Variants in SPATA7 observed in about 807,000 individuals in gnomAD.
The protein encoded by SPATA7 is spermatogenesis-associated protein 7.
SPATA7 carries 43 observed loss-of-function variants against 51.8 expected under a neutral mutation model. That is an observed-to-expected ratio of 0.83 (90% CI 0.65 to 1.07). The LOEUF (loss-of-function observed/expected upper bound fraction) is 1.07, where lower values mean the gene tolerates loss of function less well. Ranked by LOEUF, SPATA7 falls within the 50% of genes least tolerant of loss-of-function variation. The probability of loss-of-function intolerance (pLI) is 0.00; values close to 1 mark genes in which losing one functional copy is unlikely to be tolerated. For missense variants in SPATA7, 683 were observed against 701.3 expected, an observed-to-expected ratio of 0.97 and a Z score of 0.30; for synonymous variants, 230 against 252.8, an observed-to-expected ratio of 0.91 and a Z score of 0.86.
chr14:88,459,375 C>CT (rs756869494), downstream of SPATA7, among the ~76,000 whole-genome samples: 2 of 152,156 alleles, frequency 1.3e-5, no homozygotes, highest in Non-Finnish European at 2.9e-5. Context: ...TTGTAAGTCT[C>CT]TAAGGACTTG....
At chr14:88,448,130 C>T (rs959706025) in intron 3 of SPATA7, among the ~76,000 whole-genome samples, 2 of 152,088 alleles carry the variant, frequency 1.3e-5, no homozygotes, top group Non-Finnish European at 2.9e-5. Flanking sequence ...ACCAATCAGA[C>T]GTAGATTTGG....
intron 7 of SPATA7, 118 bp downstream of exon 7, chr14:88,427,814 A>G: frequency 1.3e-6 from 1 of 779,680 alleles, no homozygotes; most frequent in Non-Finnish European, 2.2e-6. Context: ...CACTTATCAT[A>G]CATGATATAG....
At position 88,420,492 on chromosome 14, in the gene SPATA7, T is replaced by C. The variant is rs1409927749; in HGVS notation, c.372+3648T>C. Among the ~76,000 whole-genome samples, 3 of 152,304 alleles carry C rather than the reference T, an allele frequency of 2.0e-5. No homozygotes were observed. In the East Asian group the frequency reaches 5.8e-4, roughly 29 times the overall value. ...AGATCGTTCAGCTTTTTTCTTCTTG[T>C]AATGGTGAGAGCTGTGTTCTTTCCA... On this transcript the variant is annotated intron_variant, in intron 5 of 11. Transcript: ENST00000393545.
chr14:88,468,039 T>C, intron 4 of SPATA7: 1 of 1,447,850 alleles, frequency 6.9e-7, no homozygotes, highest in Non-Finnish European at 9.6e-7. Context: ...CCACGCTGCG[T>C]GGATCAAGTG....
chr14:88,447,807 T>C (rs1462182617), intron 3 of SPATA7, among the ~76,000 whole-genome samples: 1 of 152,208 alleles, frequency 6.6e-6, no homozygotes, highest in African/African-American at 2.4e-5. Context: ...ATGTCGAATA[T>C]TGGCCCCCAC....
chr14:88,437,890 C>T lies in SPATA7; in HGVS notation c.1268C>T (p.Ser423Leu), dbSNP rs777018521. ...HVLKVDLGCT[S>L]EENSVKQNDV... ...CTGAAAGTAGACTTAGGCTGCACAT[C>T]GGAGGAAAACTCGGTAAAGCAAAAT... The change falls in exon 12 of 12, where the codon TCG becomes TTG. Residue 423 changes from serine to leucine, a missense_variant. Coordinates refer to ENST00000393545, the MANE Select transcript of SPATA7 (RefSeq NM_018418.5). 1.2e-5 allele frequency: 20 copies of T among 1,610,056 alleles called. No individual in the cohort carries two copies. Among genetic ancestry groups the T allele is most frequent in the East Asian group, 6.7e-5 (3 of 44,818 alleles).
At chr14:88,403,125 ATCAC>A (rs920137808) in intron 4 of SPATA7, among the ~76,000 whole-genome samples, 3 of 152,228 alleles carry the variant, frequency 2.0e-5, no homozygotes, top group African/African-American at 7.2e-5. Flanking sequence ...TTAATGAGAT[ATCAC>A]TCACACCTGT....
chr14:88,435,318 G>A (rs1211872812), intron 10 of SPATA7, among the ~76,000 whole-genome samples: 1 of 152,078 alleles, frequency 6.6e-6, no homozygotes, highest in Non-Finnish European at 1.5e-5. Flanking sequence ...TACACAGTAG[G>A]TATGTATATT....
intron 4 of SPATA7, among the ~76,000 whole-genome samples, chr14:88,403,865 C>T (rs1280616764): frequency 6.6e-6 from 1 of 152,046 alleles, no homozygotes; most frequent in Non-Finnish European, 1.5e-5. Context: ...GTATAATATA[C>T]TTGAAATTTG....
intron 3 of SPATA7, among the ~76,000 whole-genome samples, chr14:88,444,775 GT>G (rs2077200143): frequency 2.0e-5 from 3 of 152,130 alleles, no homozygotes; most frequent in African/African-American, 7.2e-5. Flanking sequence ...CCTCAGGTTT[GT>G]CAAAGATCAG....
At chr14:88,458,877 C>G (rs963288897), downstream of SPATA7, among the ~76,000 whole-genome samples, 1 of 152,202 alleles carries the variant, frequency 6.6e-6, no homozygotes, top group African/African-American at 2.4e-5. Flanking sequence ...AAATTTCCCT[C>G]TACACACTGC....
Position 88,464,880 on chromosome 14 carries a change from G to A in SPATA7, c.255-4967G>A, listed in dbSNP as rs748965212. 4.6e-5 allele frequency among the ~76,000 whole-genome samples: 7 copies of A among 151,956 alleles called. No individual in the cohort carries two copies. The South Asian group carries it at 1.5e-3, about 32-fold the overall frequency. On this transcript the variant is annotated intron_variant, in intron 4 of 4. Coordinates refer to the SPATA7 transcript ENST00000556406. ...TGTATATTTAAATTTTCTTAATATT[G>A]TGAACATTTAACATCTCAACCCTTC... is the stretch of plus-strand genomic sequence containing the variant.
chr14:88,419,612 T>C (rs1305331514), intron 5 of SPATA7, among the ~76,000 whole-genome samples: 1 of 151,436 alleles, frequency 6.6e-6, no homozygotes, highest in Non-Finnish European at 1.5e-5. Flanking sequence ...CTGCAAGCTC[T>C]GCCTCCCGGG....
intron 4 of SPATA7, chr14:88,415,268 T>C (rs1423454983): frequency 5.6e-6 from 2 of 356,432 alleles, no homozygotes; most frequent in East Asian, 8.7e-5. Context: ...CTAGGATAGG[T>C]AAGTCTTGTG....
At chr14:88,391,593 T>TA in intron 2 of SPATA7, 138 bp downstream of exon 2, 1 of 764,656 alleles carries the variant, frequency 1.3e-6, no homozygotes, top group South Asian at 1.5e-5. Flanking sequence ...TTTAATGAAA[T>TA]ATAGGCGTTC....
rs2076802185 is a variant in SPATA7 at position 88,426,633 on chromosome 14, T to C, written c.774T>C (p.Tyr258=). 6.2e-7 allele frequency: 1 copy of C among 1,614,064 alleles called. No homozygotes were observed. The highest frequency in any genetic ancestry group is 1.7e-5 in the Admixed American group (1 of 60,008). The change falls in exon 6 of 12, where the codon TAT becomes TAC. Residue 258 remains tyrosine (Y), a synonymous_variant. Transcript: ENST00000393545. ...EAKSFLSQYR[Y]YTPAKRKKDF... is the part of the protein sequence containing the mutation. ...AATCTTTCCTGTCACAGTATCGCTA[T>C]TATACACCTGCCAAAAGAAAAAAGG...
At chr14:88,462,470 ATGTT>A (rs1241226080) in intron 4 of SPATA7, among the ~76,000 whole-genome samples, 3 of 152,222 alleles carry the variant, frequency 2.0e-5, no homozygotes, top group African/African-American at 7.2e-5. Flanking sequence ...AATACTGAAG[ATGTT>A]TGTTTTACCA....
chr14:88,447,755 G>T (rs1275718963), intron 3 of SPATA7, among the ~76,000 whole-genome samples: 3 of 152,002 alleles, frequency 2.0e-5, no homozygotes, highest in Non-Finnish European at 4.4e-5. Context: ...GCTTAGTTTG[G>T]CTGGATATGA....
rs753553909 is a variant in SPATA7, at chr14:88,469,093, AAATAG to A, written c.255-751_255-747del. On this transcript the variant is annotated intron_variant, in intron 4 of 4. Coordinates refer to the SPATA7 transcript ENST00000556406. This position sits in a 1 kb window ranked among gnomAD's most constrained non-coding sequence, Gnocchi z 4.3. Reference sequence around the variant, plus strand: ...CAAGATATGCTGTGGAAAATCAATGAAATAGAAAAGTACTCAAGGATCAAGGCGTA... The same window carrying A: ...CAAGATATGCTGTGGAAAATCAATGAAAAAGTACTCAAGGATCAAGGCGTA... The A allele has an allele frequency of 6.2e-6, 10 of 1,601,730 alleles. No homozygotes were observed. The Admixed American group carries it at 1.5e-4, about 24-fold the overall frequency.
Sources: allele counts gnomAD v4.1 joint callset (sites outside exome capture counted in the v4.1 genomes callset), GRCh38; gene constraint gnomAD v4.1.1; non-coding constraint Gnocchi (gnomAD v3.1); transcripts MANE v1.5; gene names NCBI Gene and HGNC (gene_info 2026-07-23, HGNC 2026-07-21).